AK2: variants seen among roughly 807,000 people sequenced by gnomAD.
The protein encoded by AK2 is adenylate kinase 2, mitochondrial.
AK2 carries 15 observed loss-of-function variants against 24.6 expected under a neutral mutation model. The observed-to-expected ratio is 0.61, with a 90% CI of 0.41 to 0.94. AK2 has a LOEUF of 0.94. AK2 is among the 40% of genes least tolerant of loss of function. The pLI, the probability that AK2 is intolerant of heterozygous loss-of-function variation, is 0.00. For missense variants in AK2, 257 were observed against 304.1 expected, an observed-to-expected ratio of 0.85 and a Z score of 1.15; for synonymous variants, 102 against 114.0, an observed-to-expected ratio of 0.90 and a Z score of 0.67.
chr1:33,019,896 A>G, intron 4 of AK2: 1 of 1,361,994 alleles, frequency 7.3e-7, no homozygotes, highest in Non-Finnish European at 9.4e-7. Context: ...ATTAAAAGTA[A>G]TGGTCATGGA....
chr1:33,020,188 AACACACACACACACAC>A lies in AK2; in HGVS notation c.425+1163_425+1178del, dbSNP rs56098182. The A allele has an allele frequency of 1.8e-4, 160 of 878,030 alleles. 1 individual carries two copies. The highest frequency in any genetic ancestry group is 1.1e-3 in the Middle Eastern group (5 of 4,456). The allele number at this position is 878,030 out of a possible 1,614,324, so 54.4% of individuals were successfully genotyped here. A position where few individuals can be genotyped will look rare whatever the true frequency, so the allele number is the denominator to read the frequency against. ...TATTACAGAGAAACAAACATGTTAA[AACACACACACACACAC>A]ACACACACACACACACACACACACA... On this transcript the variant is annotated intron_variant, in intron 4 of 5. Transcript: ENST00000672715.
Position 33,015,621 on chromosome 1 carries a change from C to A in AK2, c.426-1027G>T, listed in dbSNP as rs530893155. 3.9e-5 allele frequency among the ~76,000 whole-genome samples: 6 copies of A among 152,316 alleles called. No homozygotes were observed. The South Asian group carries it at 1.2e-3, about 32-fold the overall frequency. ...ATAGCAATATTTGGGCCGGGCCCAG[C>A]AGCTTATGCCTGTGATCCCAACACT... On this transcript the variant is annotated intron_variant, in intron 4 of 5. Transcript: ENST00000672715.
Position 33,009,793 on chromosome 1 carries a change from A to G in AK2, c.*3388T>C. The G allele has an allele frequency of 2.2e-6, 1 of 454,474 alleles. No homozygotes were observed. Among genetic ancestry groups the G allele is most frequent in the Non-Finnish European group, 4.4e-6 (1 of 226,776 alleles). 28.2% of individuals were successfully genotyped at this position (454,474 alleles called of 1,614,324 possible). ...GGTTGCAGGCTTATCTCATATGCAC[A>G]TACTTGGACCTCCCTACCACACAGC... On this transcript the variant is annotated 3_prime_UTR_variant, in exon 6 of 6. Coordinates refer to ENST00000672715, the MANE Select transcript of AK2 (RefSeq NM_001625.4).
At chr1:33,023,540 T>C (rs1468032284) in intron 2 of AK2, among the ~76,000 whole-genome samples, 4 of 151,962 alleles carry the variant, frequency 2.6e-5, no homozygotes, top group African/African-American at 9.7e-5. Context: ...TAAGCCATGA[T>C]TGCACCACTG....
chr1:33,024,426 GTACCACCAAACC>G lies in AK2; in HGVS notation c.219+4_219+15del. On this transcript the variant is annotated splice_donor_5th_base_variant and intron_variant, in intron 2 of 5. Transcript: ENST00000672715. ...TTCTGAGGAATATCAACACTCATTG[GTACCACCAAACC>G]TACCAGTTTCCCAGCATCCATAGTT... is the stretch of plus-strand genomic sequence containing the variant. 1 of 1,613,382 alleles carries G rather than the reference GTACCACCAAACC, an allele frequency of 6.2e-7. No individual in the cohort carries two copies. The highest frequency in any genetic ancestry group is 8.5e-7 in the Non-Finnish European group (1 of 1,179,952).
chr1:33,035,642 C>G (rs1322791166), intron 1 of AK2, among the ~76,000 whole-genome samples: 3 of 152,130 alleles, frequency 2.0e-5, no homozygotes, highest in Non-Finnish European at 4.4e-5. Context: ...CTTCCAAATC[C>G]GAAATGAGAT....
At chr1:33,033,709 T>C (rs538651207) in intron 1 of AK2, among the ~76,000 whole-genome samples, 2 of 152,286 alleles carry the variant, frequency 1.3e-5, no homozygotes, top group East Asian at 3.9e-4. Flanking sequence ...GGAGAATGGC[T>C]AGAGGAGCGA....
chr1:33,036,856 G>C lies in AK2; in HGVS notation c.-28C>G, dbSNP rs763336899. On this transcript the variant is annotated 5_prime_UTR_variant, in exon 1 of 6. Coordinates refer to ENST00000672715, the MANE Select transcript of AK2 (RefSeq NM_001625.4). Reference sequence around the variant, plus strand: ...CCGCCGAAGTCTCTCACTGCCACCAGTTCGCACGCCTCACAGGTCCAGTGC... The same window carrying C: ...CCGCCGAAGTCTCTCACTGCCACCACTTCGCACGCCTCACAGGTCCAGTGC... The C allele has an allele frequency of 1.1e-5, 17 of 1,557,650 alleles. 1 individual carries two copies. In the South Asian group the frequency reaches 1.6e-4, roughly 15 times the overall value.
Position 33,011,330 on chromosome 1 carries a change from T to C in AK2, c.*1851A>G. 7.8e-7 allele frequency: 1 copy of C among 1,288,412 alleles called. No individual in the cohort carries two copies. The highest frequency in any genetic ancestry group is 1.0e-6 in the Non-Finnish European group (1 of 989,578). 79.8% of individuals were successfully genotyped at this position (1,288,412 alleles called of 1,614,324 possible). ...TGTTTCACTCCTCTTCCTTGCCCAT[T>C]CCCAGAAGTCATGTGCTTCCCAGAA... is the stretch of plus-strand genomic sequence containing the variant. On this transcript the variant is annotated 3_prime_UTR_variant, in exon 6 of 6. Coordinates refer to ENST00000672715, the MANE Select transcript of AK2 (RefSeq NM_001625.4).
Position 33,009,570 on chromosome 1 carries a change from C to G in AK2, c.*3611G>C, listed in dbSNP as rs1321860048. 2.2e-6 allele frequency: 1 copy of G among 454,016 alleles called. No individual in the cohort carries two copies. Among genetic ancestry groups the G allele is most frequent in the East Asian group, 6.9e-5 (1 of 14,406 alleles). The allele number at this position is 454,016 out of a possible 1,614,324, so 28.1% of individuals were successfully genotyped here. ...GCAAAAACCTTCTTCCTATAAATTT[C>G]ATTTAATGCCATTAAGGCCAAGAAG... On this transcript the variant is annotated 3_prime_UTR_variant, in exon 6 of 6. Transcript: ENST00000672715.
chr1:33,032,672 C>T (rs1320193531), intron 1 of AK2, among the ~76,000 whole-genome samples: 5 of 152,182 alleles, frequency 3.3e-5, no homozygotes, highest in African/African-American at 1.2e-4. Flanking sequence ...CATGTGCCTC[C>T]TCAGGGAGAG....
chr1:33,026,357 C>G (rs1277672246), intron 1 of AK2, among the ~76,000 whole-genome samples: 1 of 152,204 alleles, frequency 6.6e-6, no homozygotes, highest in Non-Finnish European at 1.5e-5. Flanking sequence ...AGCCACGTGC[C>G]TGGCTAATTT....
Position 33,012,753 on chromosome 1 carries a change from C to G in AK2, c.*428G>C, listed in dbSNP as rs1319117672. 1.0e-6 allele frequency: 1 copy of G among 972,724 alleles called. No individual in the cohort carries two copies. The highest frequency in any genetic ancestry group is 6.0e-5 in the East Asian group (1 of 16,634). 60.3% of individuals were successfully genotyped at this position (972,724 alleles called of 1,614,324 possible). On this transcript the variant is annotated 3_prime_UTR_variant, in exon 6 of 6. Coordinates refer to ENST00000672715, the MANE Select transcript of AK2 (RefSeq NM_001625.4). ...CTCTACAAAAAATACAAATATCAGC[C>G]AGGTGTTGTGGCATGCACCTGTAGT...
intron 2 of AK2, among the ~76,000 whole-genome samples, chr1:33,022,351 CTTTTTTTTT>C (rs397862465): frequency 1.8e-5 from 2 of 112,370 alleles, no homozygotes; most frequent in Admixed American, 9.5e-5. Flanking sequence ...TCTTCCCTCA[CTTTTTTTTT>C]TTTTTTTTTT....
intron 4 of AK2, among the ~76,000 whole-genome samples, chr1:33,020,844 CAA>C (rs769914721): frequency 2.7e-5 from 3 of 110,398 alleles, no homozygotes; most frequent in African/African-American, 3.4e-5. Context: ...GACTCTGTCT[CAA>C]AAAAAAAAAA....
At chr1:33,021,889 A>G (rs1639581745) in intron 2 of AK2, among the ~76,000 whole-genome samples, 186 bp from the exon 3 acceptor site, 2 of 152,184 alleles carry the variant, frequency 1.3e-5, no homozygotes, top group South Asian at 4.1e-4. Flanking sequence ...CCAGTTTCAT[A>G]ATTTTATCTC....
At chr1:33,025,188 C>CAAAAA (rs386366656) in intron 1 of AK2, among the ~76,000 whole-genome samples, 168 of 67,666 alleles carry the variant, frequency 2.5e-3, no homozygotes, top group South Asian at 4.1e-3. Flanking sequence ...GACTTCGTCT[C>CAAAAA]AAAAAAAAAA....
chr1:33,014,654 T>C (rs1639067518), intron 4 of AK2, 60 bp from the exon 5 acceptor site: 1 of 1,408,738 alleles, frequency 7.1e-7, no homozygotes, highest in African/African-American at 1.4e-5. Context: ...TGCACTCCAC[T>C]CTAGGGGGCT....
Position 33,013,167 on chromosome 1 carries a change from T to C in AK2, c.*14A>G, listed in dbSNP as rs191407523. On this transcript the variant is annotated 3_prime_UTR_variant, in exon 6 of 6. Coordinates refer to ENST00000672715, the MANE Select transcript of AK2 (RefSeq NM_001625.4). ...CTCACAGGGATGGAAAGAAATTCCTTCTTGGACCCAACATTAGATAAACAT... is the reference window on the plus strand; with the variant it reads ...CTCACAGGGATGGAAAGAAATTCCTCCTTGGACCCAACATTAGATAAACAT... 4.6e-5 allele frequency: 75 copies of C among 1,614,132 alleles called. No individual in the cohort carries two copies. The East Asian group carries it at 1.5e-3, about 32-fold the overall frequency.
Sources: gnomAD v4.1 joint callset for allele counts (sites outside exome capture counted in the v4.1 genomes callset) on GRCh38, gnomAD v4.1.1 for gene constraint, MANE v1.5 for transcripts, NCBI Gene and HGNC (gene_info 2026-07-23, HGNC 2026-07-21) for gene names.